Variants in SLC10A6 observed in about 807,000 individuals in gnomAD.
The protein encoded by SLC10A6 is sodium-dependent organic anion transporter.
In SLC10A6, 27 loss-of-function variants were observed where a neutral mutation model predicts 30.0. That is an observed-to-expected ratio of 0.90 (90% CI 0.66 to 1.24). The LOEUF (loss-of-function observed/expected upper bound fraction) is 1.24. SLC10A6 is among the 50% of genes most tolerant of loss of function. The pLI, the probability that SLC10A6 is intolerant of heterozygous loss-of-function variation, is 0.00. For missense variants in SLC10A6, 439 were observed against 457.0 expected, an observed-to-expected ratio of 0.96 and a Z score of 0.36; for synonymous variants, 166 against 173.8, an observed-to-expected ratio of 0.95 and a Z score of 0.36.
intron 1 of SLC10A6, among the ~76,000 whole-genome samples, chr4:86,840,725 G>T (rs1746275663): frequency 6.6e-6 from 1 of 152,018 alleles, no homozygotes; most frequent in Non-Finnish European, 1.5e-5. Context: ...AATATTTTCT[G>T]GAAATTCTCT....
In SLC10A6 at chr4:86,825,648, A is replaced by C. The variant is rs746228079; in HGVS notation, c.762-71T>G. ...ACTATTCTAATATTTTCTCATATGC[A>C]TCATAACAATTAGAAGCTATGACCT... On this transcript the variant is annotated intron_variant, in intron 4 of 5. Transcript: ENST00000273905. The C allele has an allele frequency of 2.8e-6, 4 of 1,422,512 alleles. No homozygotes were observed. The East Asian group carries it at 9.4e-5, about 33-fold the overall frequency. 88.1% of individuals were successfully genotyped at this position (1,422,512 alleles called of 1,614,324 possible). A position where few individuals can be genotyped will look rare whatever the true frequency, so the allele number is the denominator to read the frequency against.
At chr4:86,838,340 G>A (rs1031038204) in intron 1 of SLC10A6, among the ~76,000 whole-genome samples, 4 of 152,186 alleles carry the variant, frequency 2.6e-5, no homozygotes, top group African/African-American at 9.7e-5. Flanking sequence ...CAGAGTGAGT[G>A]GCATGACAGC....
At chr4:86,846,234 T>C (rs931161892) in intron 1 of SLC10A6, among the ~76,000 whole-genome samples, 38 of 152,260 alleles carry the variant, frequency 2.5e-4, no homozygotes, top group African/African-American at 8.2e-4. Context: ...TTGATTTTAT[T>C]ACTTTTGTAC....
intron 1 of SLC10A6, among the ~76,000 whole-genome samples, chr4:86,847,271 A>G (rs1413483115): frequency 6.6e-6 from 1 of 152,250 alleles, no homozygotes; most frequent in Non-Finnish European, 1.5e-5. Flanking sequence ...CAAGAAGAAA[A>G]TAAGCATGAA....
At chr4:86,841,107 T>A (rs996134469) in intron 1 of SLC10A6, among the ~76,000 whole-genome samples, 14 of 152,234 alleles carry the variant, frequency 9.2e-5, no homozygotes, top group Non-Finnish European at 1.9e-4. Flanking sequence ...TTCCATATTA[T>A]ATCACTTTAC....
chr4:86,849,220 G>T lies in SLC10A6; in HGVS notation c.-105C>A, dbSNP rs1461542125. ...ATAGTGCAACGAAGTCACACATGGA[G>T]AATCATTCCAATAACTGTTGGCCAG... On this transcript the variant is annotated 5_prime_UTR_variant, in exon 1 of 6. Coordinates refer to ENST00000273905, the MANE Select transcript of SLC10A6 (RefSeq NM_197965.3). 26 of 1,340,942 alleles carry T rather than the reference G, an allele frequency of 1.9e-5. No individual in the cohort carries two copies. Among genetic ancestry groups the T allele is most frequent in the Non-Finnish European group, 2.6e-5 (26 of 982,930 alleles). The allele number at this position is 1,340,942 out of a possible 1,614,324, so 83.1% of individuals were successfully genotyped here.
intron 1 of SLC10A6, among the ~76,000 whole-genome samples, chr4:86,841,642 A>C (rs1160606894): frequency 6.6e-6 from 1 of 152,226 alleles, no homozygotes; most frequent in Non-Finnish European, 1.5e-5. Context: ...ACCCTCCCTT[A>C]AAGCAGGGAA....
At chr4:86,825,651 A>G in intron 4 of SLC10A6, 74 bp from the exon 5 acceptor site, 5 of 1,414,824 alleles carry the variant, frequency 3.5e-6, no homozygotes, top group Non-Finnish European at 4.8e-6. Context: ...CATATGCATC[A>G]TAACAATTAG....
At chr4:86,827,969 AG>A in intron 4 of SLC10A6, 23 bp downstream of exon 4, 1 of 1,599,160 alleles carries the variant, frequency 6.3e-7, no homozygotes, top group Non-Finnish European at 8.5e-7. Context: ...TCCTCAAAAA[AG>A]TTTATGGATA....
In SLC10A6 at chr4:86,849,137, C is replaced by T. The variant is rs1263054092; in HGVS notation, c.-22G>A. On this transcript the variant is annotated 5_prime_UTR_variant, in exon 1 of 6. An upstream start codon of the reference 5' UTR is lost. Coordinates refer to ENST00000273905, the MANE Select transcript of SLC10A6 (RefSeq NM_197965.3). Reference sequence around the variant, plus strand: ...TCATCTCCTCATCTCCTTAAGGCAGCATTACAAATGAACATCGGCAACAAT... The same window carrying T: ...TCATCTCCTCATCTCCTTAAGGCAGTATTACAAATGAACATCGGCAACAAT... 1.9e-6 allele frequency: 3 copies of T among 1,587,668 alleles called. No individual in the cohort carries two copies. The highest frequency in any genetic ancestry group is 1.7e-4 in the Middle Eastern group (1 of 5,948).
intron 1 of SLC10A6, among the ~76,000 whole-genome samples, chr4:86,834,204 A>G (rs868656419): frequency 6.6e-6 from 1 of 152,082 alleles, no homozygotes; most frequent in Admixed American, 6.6e-5. Context: ...AGTTGTTAAA[A>G]AGAGTCTGAC....
chr4:86,841,086 C>T (rs758111281), intron 1 of SLC10A6, among the ~76,000 whole-genome samples: 3 of 152,172 alleles, frequency 2.0e-5, no homozygotes, highest in Non-Finnish European at 4.4e-5. Flanking sequence ...ATTACTAAGT[C>T]CTGAATGGAA....
intron 1 of SLC10A6, among the ~76,000 whole-genome samples, chr4:86,848,489 T>C (rs940878830): frequency 2.0e-5 from 3 of 152,220 alleles, no homozygotes; most frequent in Non-Finnish European, 4.4e-5. Flanking sequence ...GGTGCAGACC[T>C]GCCTCCACTG....
intron 5 of SLC10A6, 93 bp downstream of exon 5, chr4:86,825,327 C>T: frequency 8.4e-7 from 1 of 1,187,954 alleles, no homozygotes; most frequent in Non-Finnish European, 1.2e-6. Flanking sequence ...ATCACAGGGG[C>T]AGCACATGCA....
Position 86,828,103 on chromosome 4 carries a change from T to G in SLC10A6, c.651A>C (p.Lys217Asn). 1.2e-6 allele frequency: 2 copies of G among 1,613,930 alleles called. No homozygotes were observed. Among genetic ancestry groups the G allele is most frequent in the Non-Finnish European group, 1.7e-6 (2 of 1,179,872 alleles). The change falls in exon 4 of 6, where the codon AAA becomes AAC. Residue 217 changes from lysine (K) to asparagine (N), a missense_variant. Lys to Asn is a moderately conservative substitution (Grantham distance 94). Coordinates refer to ENST00000273905, the MANE Select transcript of SLC10A6 (RefSeq NM_197965.3). Reference sequence around the variant, plus strand: ...GGGTGATGTCTGAATTCCAAGATCCTTTCGCCAGGACCACACCAGCAACTG... The same window carrying G: ...GGGTGATGTCTGAATTCCAAGATCCGTTCGCCAGGACCACACCAGCAACTG... ...VVAVAGVVLAKGSWNSDITLL... is the reference protein window; with the variant it reads ...VVAVAGVVLANGSWNSDITLL...
rs368431476 is a variant in SLC10A6, at chr4:86,842,038, C to T, written c.377+6701G>A. On this transcript the variant is annotated intron_variant, in intron 1 of 5. Transcript: ENST00000273905. Reference sequence around the variant, plus strand: ...TTCTCTTTTCATCTACATAATAACTCTATGTGTGAGTATTATTTTCATTGT... The same window carrying T: ...TTCTCTTTTCATCTACATAATAACTTTATGTGTGAGTATTATTTTCATTGT... Among the ~76,000 whole-genome samples the T allele has an allele frequency of 1.3e-5, 2 of 152,126 alleles. 1 individual carries two copies. Among genetic ancestry groups the T allele is most frequent in the East Asian group, 3.8e-4 (2 of 5,200 alleles).
At chr4:86,842,978 T>G (rs1028013516) in intron 1 of SLC10A6, among the ~76,000 whole-genome samples, 1 of 151,426 alleles carries the variant, frequency 6.6e-6, no homozygotes, top group African/African-American at 2.4e-5. Flanking sequence ...TCCAAGCATT[T>G]CTCCTGCCTC....
intron 1 of SLC10A6, among the ~76,000 whole-genome samples, chr4:86,843,993 A>G (rs774499348): frequency 1.3e-5 from 2 of 152,074 alleles, no homozygotes; most frequent in Non-Finnish European, 2.9e-5. Context: ...CCTGGCTAAC[A>G]TGGCGAAACC....
chr4:86,842,464 A>G (rs1746306656), intron 1 of SLC10A6, among the ~76,000 whole-genome samples: 1 of 152,184 alleles, frequency 6.6e-6, no homozygotes, highest in Admixed American at 6.5e-5. Flanking sequence ...CCTAGGTGGG[A>G]GGATTGCTTG....
Sources: gnomAD v4.1 joint callset for allele counts (sites outside exome capture counted in the v4.1 genomes callset) on GRCh38, gnomAD v4.1.1 for gene constraint, MANE v1.5 for transcripts, NCBI Gene and HGNC (gene_info 2026-07-23, HGNC 2026-07-21) for gene names.